ZFPM2: variants seen among roughly 807,000 people sequenced by gnomAD.
ZFPM2 encodes the protein zinc finger protein, FOG family member 2.
In ZFPM2, 20 loss-of-function variants were observed where a neutral mutation model predicts 98.6. The observed-to-expected ratio is 0.20, with a 90% CI of 0.14 to 0.29. The LOEUF (loss-of-function observed/expected upper bound fraction) is 0.29, where lower values mean the gene tolerates loss of function less well. Ranked by LOEUF, ZFPM2 falls within the 10% of genes least tolerant of loss-of-function variation. The probability of loss-of-function intolerance (pLI) is 1.00; values close to 1 mark genes in which losing one functional copy is unlikely to be tolerated. For synonymous variants in ZFPM2, 518 were observed against 502.7 expected (o/e 1.03, Z -0.41); for missense variants, 1,310 against 1,388.6 (o/e 0.94, Z 0.90).
chr8:105,411,340 A>T (rs1811573755), intron 1 of ZFPM2, among the ~76,000 whole-genome samples: 1 of 151,720 alleles, frequency 6.6e-6, no homozygotes, highest in Non-Finnish European at 1.5e-5. Flanking sequence ...CCAGTCTCAT[A>T]TCTTGTGAAT....
At chr8:105,513,953 G>A (rs1177445030) in intron 3 of ZFPM2, among the ~76,000 whole-genome samples, 1 of 151,000 alleles carries the variant, frequency 6.6e-6, no homozygotes, top group Non-Finnish European at 1.5e-5. Context: ...TGAAAACGTG[G>A]ATTTTTGGAT....
intron 3 of ZFPM2, among the ~76,000 whole-genome samples, chr8:105,464,295 A>G (rs547936485): frequency 6.6e-6 from 1 of 152,142 alleles, no homozygotes; most frequent in South Asian, 2.1e-4. Flanking sequence ...ATATGCTTTT[A>G]CAGAAATTCT....
chr8:105,380,325 G>A (rs764137349), intron 1 of ZFPM2, among the ~76,000 whole-genome samples: 7 of 151,420 alleles, frequency 4.6e-5, no homozygotes, highest in Non-Finnish European at 1.0e-4. Flanking sequence ...TTACTCTGTA[G>A]GAATGATGAC....
At chr8:105,545,139 C>G (rs532106509) in intron 3 of ZFPM2, among the ~76,000 whole-genome samples, 1 of 151,998 alleles carries the variant, frequency 6.6e-6, no homozygotes, top group East Asian at 1.9e-4. Context: ...AAGGAATAAC[C>G]TTTGATTTTG....
intron 6 of ZFPM2, 102 bp downstream of exon 6, chr8:105,789,026 C>A: frequency 2.2e-6 from 2 of 907,016 alleles, no homozygotes; most frequent in Non-Finnish European, 1.6e-6. Context: ...CTTTTTCCTT[C>A]AGTGTTGTGG....
intron 3 of ZFPM2, among the ~76,000 whole-genome samples, chr8:105,455,112 A>T (rs1436752896): frequency 1.3e-5 from 2 of 152,164 alleles, no homozygotes; most frequent in Non-Finnish European, 2.9e-5. Context: ...GCATTTTGGA[A>T]TTTTGATTTT....
At chr8:105,319,095 C>T in intron 1 of ZFPM2, 114 bp downstream of exon 1, 2 of 1,256,928 alleles carry the variant, frequency 1.6e-6, no homozygotes. Flanking sequence ...CTCCCGGTCC[C>T]CTAGATGTCT....
chr8:105,554,144 T>G (rs1392437065), intron 3 of ZFPM2, among the ~76,000 whole-genome samples: 1 of 152,186 alleles, frequency 6.6e-6, no homozygotes, highest in East Asian at 1.9e-4. Context: ...CAATTTGTAG[T>G]CACCAACCAA....
intron 3 of ZFPM2, among the ~76,000 whole-genome samples, chr8:105,509,955 G>A (rs1813782080): frequency 6.6e-6 from 1 of 152,132 alleles, no homozygotes; most frequent in Non-Finnish European, 1.5e-5. Flanking sequence ...GATACGGTTA[G>A]CAGATATATT....
intron 5 of ZFPM2, among the ~76,000 whole-genome samples, chr8:105,656,471 C>G (rs1817288127): frequency 6.6e-6 from 1 of 152,176 alleles, no homozygotes; most frequent in Non-Finnish European, 1.5e-5. Flanking sequence ...CTCTGTGTCA[C>G]TGTCTCCCCC....
intron 5 of ZFPM2, among the ~76,000 whole-genome samples, chr8:105,648,774 T>G (rs976656359): frequency 6.6e-6 from 1 of 152,132 alleles, no homozygotes; most frequent in Non-Finnish European, 1.5e-5. Context: ...TGTTTTGGTT[T>G]CTGTAGCCTT....
intron 5 of ZFPM2, among the ~76,000 whole-genome samples, chr8:105,754,946 A>ATGTGTGTGTGTG (rs34267329): frequency 2.7e-5 from 4 of 146,550 alleles, no homozygotes; most frequent in African/African-American, 7.4e-5. Flanking sequence ...GAAATTTAAT[A>ATGTGTGTGTGTG]TGTGTGTGTG....
At chr8:105,381,479 C>G (rs964144844) in intron 1 of ZFPM2, among the ~76,000 whole-genome samples, 1 of 152,106 alleles carries the variant, frequency 6.6e-6, no homozygotes, top group South Asian at 2.1e-4. Context: ...AACATCCTAT[C>G]CAGAGCAAAG....
At chr8:105,767,211 A>G (rs1328121029) in intron 5 of ZFPM2, among the ~76,000 whole-genome samples, 4 of 151,966 alleles carry the variant, frequency 2.6e-5, no homozygotes, top group African/African-American at 9.7e-5. Context: ...GTTTGATTTT[A>G]CATACCATCC....
At chr8:105,479,610 G>T (rs1422582354) in intron 3 of ZFPM2, among the ~76,000 whole-genome samples, 2 of 152,180 alleles carry the variant, frequency 1.3e-5, no homozygotes, top group Non-Finnish European at 2.9e-5. Context: ...ATGATTAGGA[G>T]TCAGCCATTA....
At chr8:105,547,743 A>G (rs953948758) in intron 3 of ZFPM2, among the ~76,000 whole-genome samples, 23 of 152,170 alleles carry the variant, frequency 1.5e-4, no homozygotes, top group African/African-American at 5.1e-4. Context: ...AGATATACAT[A>G]ATTTCAAACA....
At chr8:105,423,063 AGT>A (rs925363063) in intron 2 of ZFPM2, among the ~76,000 whole-genome samples, 1 of 70,218 alleles carries the variant, frequency 1.4e-5, no homozygotes, top group Non-Finnish European at 2.3e-5. Context: ...AAGTTTTTCT[AGT>A]CTCAAAGTTG....
chr8:105,595,153 A>G (rs1481751297), intron 4 of ZFPM2, among the ~76,000 whole-genome samples: 1 of 152,158 alleles, frequency 6.6e-6, no homozygotes, highest in East Asian at 1.9e-4. Flanking sequence ...AAACCATTGT[A>G]CAGTCTTAGC....
chr8:105,616,128 A>T (rs62527254), intron 4 of ZFPM2, among the ~76,000 whole-genome samples: 8,166 of 152,142 alleles, frequency 0.054, 252 homozygotes, highest in Middle Eastern at 0.21. Flanking sequence ...CAAGGAAGGG[A>T]AGTAGCATAA....
Sources: allele counts gnomAD v4.1 joint callset (sites outside exome capture counted in the v4.1 genomes callset), GRCh38; gene constraint gnomAD v4.1.1; transcripts MANE v1.5; gene names NCBI Gene and HGNC (gene_info 2026-07-23, HGNC 2026-07-21).